The following CDH4 variants were observed in gnomAD, a reference collection of about 807,000 sequenced individuals.
CDH4 encodes cadherin-4.
In CDH4, 33 loss-of-function variants were observed where a neutral mutation model predicts 86.0. The ratio of observed to expected loss-of-function variants is 0.38; its 90% CI spans 0.29 to 0.51. The LOEUF is 0.51. Among genes scored for constraint, CDH4 ranks in the 20% least tolerant of loss-of-function variants. The pLI, the probability that CDH4 is intolerant of heterozygous loss-of-function variation, is 0.86. For missense variants in CDH4, 1,114 were observed against 1,307.4 expected, an observed-to-expected ratio of 0.85 and a Z score of 2.28; for synonymous variants, 555 against 549.4, an observed-to-expected ratio of 1.01 and a Z score of -0.14.
intron 2 of CDH4, among the ~76,000 whole-genome samples, chr20:61,546,003 TGGA>T (rs2086079148): frequency 1.2e-5 from 1 of 81,104 alleles, no homozygotes; most frequent in Non-Finnish European, 2.3e-5. Flanking sequence ...TGTGCATGTG[TGGA>T]GGGGGTATGT....
intron 4 of CDH4, among the ~76,000 whole-genome samples, chr20:61,799,741 C>G (rs886947882): frequency 6.6e-6 from 1 of 152,216 alleles, no homozygotes; most frequent in Admixed American, 6.5e-5. Flanking sequence ...CCAGGGTATC[C>G]CCGCTCCTGG....
intron 4 of CDH4, among the ~76,000 whole-genome samples, chr20:61,844,023 GT>G (rs924661404): frequency 8.4e-4 from 128 of 152,280 alleles, no homozygotes; most frequent in African/African-American, 3.0e-3. Context: ...CGTGCATCTT[GT>G]TTTTAATGCT....
At chr20:61,777,562 T>C (rs1193827831) in intron 4 of CDH4, among the ~76,000 whole-genome samples, 2 of 152,228 alleles carry the variant, frequency 1.3e-5, no homozygotes, top group Non-Finnish European at 2.9e-5. Flanking sequence ...CCAAATGGAC[T>C]CCAAGTCATT....
intron 2 of CDH4, among the ~76,000 whole-genome samples, chr20:61,316,823 CT>C (rs1433885029): frequency 6.6e-6 from 1 of 152,080 alleles, no homozygotes; most frequent in Admixed American, 6.6e-5. Context: ...CCTGGCCACC[CT>C]TTTTGTTTTA....
At chr20:61,361,826 A>G (rs2084784608) in intron 2 of CDH4, among the ~76,000 whole-genome samples, 2 of 152,214 alleles carry the variant, frequency 1.3e-5, no homozygotes, top group African/African-American at 4.8e-5. Flanking sequence ...GCCCGCAAGA[A>G]GAGGCCAGCC....
intron 2 of CDH4, among the ~76,000 whole-genome samples, chr20:61,481,221 G>A (rs929145680): frequency 2.6e-5 from 4 of 152,210 alleles, no homozygotes; most frequent in African/African-American, 9.6e-5. Context: ...CAGCTGGGGC[G>A]TGGGGGAGGG....
At chr20:61,743,393 A>AG (rs1568790635) in intron 2 of CDH4, among the ~76,000 whole-genome samples, 170 bp from the exon 3 acceptor site, 1 of 152,076 alleles carries the variant, frequency 6.6e-6, no homozygotes, top group Non-Finnish European at 1.5e-5. Context: ...CTAATTCTCT[A>AG]GGGGGTTGAG....
At chr20:61,310,496 G>C (rs1439784540) in intron 2 of CDH4, among the ~76,000 whole-genome samples, 1 of 152,130 alleles carries the variant, frequency 6.6e-6, no homozygotes, top group Non-Finnish European at 1.5e-5. Flanking sequence ...CCCATGCGCG[G>C]TTCACAGTAG....
intron 2 of CDH4, among the ~76,000 whole-genome samples, chr20:61,565,203 T>TGG (rs1568688363): frequency 0.019 from 607 of 32,084 alleles, 145 homozygotes; most frequent in Non-Finnish European, 0.027. Flanking sequence ...TTGGTGGTGG[T>TGG]CGCGGTGCTC....
intron 2 of CDH4, among the ~76,000 whole-genome samples, chr20:61,335,223 C>T (rs1347480312): frequency 6.6e-6 from 1 of 152,182 alleles, no homozygotes; most frequent in Non-Finnish European, 1.5e-5. Context: ...GCCAAGCCAG[C>T]AGTCGTCCCT....
intron 2 of CDH4, among the ~76,000 whole-genome samples, chr20:61,701,792 G>C (rs1345314586): frequency 6.6e-6 from 1 of 152,224 alleles, no homozygotes; most frequent in Admixed American, 6.5e-5. Context: ...TTCGGACAAA[G>C]CGTCCATTGG....
Position 61,518,884 on chromosome 20 carries a change from C to T in CDH4, c.170-224679C>T, listed in dbSNP as rs1262270441. Reference sequence around the variant, plus strand: ...TTCATCCATCATTCATTCATCAATCCACCCATCATCCATTCATCCATCATT... The same window carrying T: ...TTCATCCATCATTCATTCATCAATCTACCCATCATCCATTCATCCATCATT... On this transcript the variant is annotated intron_variant, in intron 2 of 15. Coordinates refer to ENST00000614565, the MANE Select transcript of CDH4 (RefSeq NM_001794.5). This position sits in a 1 kb window ranked among gnomAD's most constrained non-coding sequence, Gnocchi z 6.3. Among the ~76,000 whole-genome samples the T allele has an allele frequency of 6.6e-6, 1 of 152,082 alleles. No homozygotes were observed. Among genetic ancestry groups the T allele is most frequent in the South Asian group, 2.1e-4 (1 of 4,816 alleles).
In CDH4 at chr20:61,252,399, GGGAGCGGCGGCGGCGGCGGCGATC is replaced by G. The variant is rs1280977167; in HGVS notation, c.-101_-78del. The G allele has an allele frequency of 6.6e-5, 24 of 366,110 alleles. No individual in the cohort carries two copies. Among genetic ancestry groups the G allele is most frequent in the South Asian group, 5.0e-4 (5 of 10,004 alleles). 22.7% of individuals were successfully genotyped at this position (366,110 alleles called of 1,614,324 possible). A position where few individuals can be genotyped will look rare whatever the true frequency, so the allele number is the denominator to read the frequency against. ...GGCTGGAGGCTCCGGGCAGGCGCGGGGGAGCGGCGGCGGCGGCGGCGATCGGAGCGGCGGCGGTGGTCTCGGCGG... is the reference window on the plus strand; with the variant it reads ...GGCTGGAGGCTCCGGGCAGGCGCGGGGGAGCGGCGGCGGTGGTCTCGGCGG... On this transcript the variant is annotated 5_prime_UTR_variant, in exon 1 of 16. Coordinates refer to ENST00000614565, the MANE Select transcript of CDH4 (RefSeq NM_001794.5). The surrounding 1 kb of genome is among the most constrained non-coding windows in gnomAD (Gnocchi z 4.4).
intron 2 of CDH4, among the ~76,000 whole-genome samples, chr20:61,333,844 T>C (rs2084600532): frequency 6.6e-6 from 1 of 152,246 alleles, no homozygotes; most frequent in South Asian, 2.1e-4. Context: ...GTGCCACCGT[T>C]AGCACATGGC....
chr20:61,530,034 G>GTT, intron 2 of CDH4, among the ~76,000 whole-genome samples: 1 of 152,008 alleles, frequency 6.6e-6, no homozygotes, highest in South Asian at 2.1e-4. Flanking sequence ...TTGTTTGTTT[G>GTT]TGTGTTTGTT....
intron 2 of CDH4, among the ~76,000 whole-genome samples, chr20:61,344,889 G>A (rs1347915017): frequency 2.0e-5 from 3 of 152,156 alleles, no homozygotes; most frequent in Admixed American, 1.3e-4. Context: ...ACACTTCCTC[G>A]GCTTTGCGTC....
At chr20:61,629,274 G>A (rs2427197) in intron 2 of CDH4, among the ~76,000 whole-genome samples, 89,331 of 152,110 alleles carry the variant, frequency 0.59, 26,399 homozygotes, top group East Asian at 0.72. Context: ...CCCCCCAGCC[G>A]GAGCCCTCCA....
intron 2 of CDH4, among the ~76,000 whole-genome samples, chr20:61,643,515 C>T (rs76569425): frequency 0.021 from 3,191 of 152,328 alleles, 44 homozygotes; most frequent in Non-Finnish European, 0.031. Flanking sequence ...GAGAGGGAAA[C>T]GTGTGCACTA....
At chr20:61,548,072 G>A (rs1407788783) in intron 2 of CDH4, among the ~76,000 whole-genome samples, 2 of 152,194 alleles carry the variant, frequency 1.3e-5, no homozygotes, top group Non-Finnish European at 2.9e-5. Context: ...CCTAGTCTGT[G>A]TCTGAGCCCA....
Sources: allele counts gnomAD v4.1 joint callset (sites outside exome capture counted in the v4.1 genomes callset), GRCh38; gene constraint gnomAD v4.1.1; non-coding constraint Gnocchi (gnomAD v3.1); transcripts MANE v1.5; gene names NCBI Gene and HGNC (gene_info 2026-07-23, HGNC 2026-07-21).